Variants in SH3GL2 observed in about 807,000 individuals in gnomAD.
SH3GL2 encodes the protein SH3 domain containing GRB2 like 2, endophilin A1, also known as endophilin-A1.
Under a neutral mutation model 46.0 loss-of-function variants are expected in SH3GL2, and 24 were observed. The observed-to-expected ratio is 0.52, with a 90% confidence interval of 0.38 to 0.73. The LOEUF is 0.73. SH3GL2 is among the 30% of genes least tolerant of loss of function. The pLI is 0.00. For synonymous variants in SH3GL2, 196 were observed against 147.1 expected, an observed-to-expected ratio of 1.33 and a Z score of -2.40; for missense variants, 413 against 424.2, an observed-to-expected ratio of 0.97 and a Z score of 0.23.
chr9:17,758,392 C>G (rs1313978899), intron 2 of SH3GL2, among the ~76,000 whole-genome samples: 1 of 151,526 alleles, frequency 6.6e-6, no homozygotes, highest in Non-Finnish European at 1.5e-5. Flanking sequence ...AAAACCCCGT[C>G]TCTACCAAAA....
intron 1 of SH3GL2, among the ~76,000 whole-genome samples, chr9:17,585,733 G>A (rs897201812): frequency 1.2e-4 from 19 of 152,306 alleles, no homozygotes; most frequent in African/African-American, 3.6e-4. Flanking sequence ...TTGGTAGGTC[G>A]TGGTCAGAAG....
chr9:17,691,089 C>A (rs1026928365), intron 1 of SH3GL2, among the ~76,000 whole-genome samples: 3 of 152,204 alleles, frequency 2.0e-5, no homozygotes, highest in African/African-American at 7.2e-5. Flanking sequence ...CCTTAGCATG[C>A]TAGGGTAAAG....
At chr9:17,589,569 A>C (rs1003675526) in intron 1 of SH3GL2, 2 of 152,162 alleles carry the variant, frequency 1.3e-5, no homozygotes, top group African/African-American at 4.8e-5. Flanking sequence ...TCTGCAAAGA[A>C]GTTTCTGAAT....
chr9:17,734,836 A>G (rs1822283094), intron 1 of SH3GL2, among the ~76,000 whole-genome samples: 1 of 152,126 alleles, frequency 6.6e-6, no homozygotes, highest in African/African-American at 2.4e-5. Context: ...AGGCTGTAAA[A>G]AAATTCTTTT....
At chr9:17,599,952 T>C (rs1478831372) in intron 1 of SH3GL2, among the ~76,000 whole-genome samples, 5 of 152,100 alleles carry the variant, frequency 3.3e-5, no homozygotes, top group Admixed American at 3.3e-4. Context: ...TTTTTTTTTT[T>C]CTAATCTGAA....
chr9:17,706,585 T>G (rs1004178636), intron 1 of SH3GL2, among the ~76,000 whole-genome samples: 3 of 152,092 alleles, frequency 2.0e-5, no homozygotes, highest in African/African-American at 7.2e-5. Context: ...ATGTTGTACG[T>G]GTAATCTTTC....
intron 1 of SH3GL2, among the ~76,000 whole-genome samples, chr9:17,678,112 T>C (rs2118017610): frequency 6.6e-6 from 1 of 152,288 alleles, no homozygotes; most frequent in South Asian, 2.1e-4. Context: ...CATGTGTCTT[T>C]ATAGCAGCAT....
Position 17,721,545 on chromosome 9 carries a change from C to T in SH3GL2, c.46-25521C>T, listed in dbSNP as rs184916237. ...AATGAATGTACCATACCATATTTTACTTAACCAGTATAGTTTTTCTGGTAA... is the reference window on the plus strand; with the variant it reads ...AATGAATGTACCATACCATATTTTATTTAACCAGTATAGTTTTTCTGGTAA... On this transcript the variant is annotated intron_variant, in intron 1 of 8. Coordinates refer to ENST00000380607, the MANE Select transcript of SH3GL2 (RefSeq NM_003026.5). Among the ~76,000 whole-genome samples the T allele has an allele frequency of 1.0e-3, 153 of 152,166 alleles. 1 individual carries two copies. The highest frequency in any genetic ancestry group is 3.5e-3 in the African/African-American group (145 of 41,552).
chr9:17,636,817 T>G (rs971888350), intron 1 of SH3GL2, among the ~76,000 whole-genome samples: 1 of 152,228 alleles, frequency 6.6e-6, no homozygotes, highest in Admixed American at 6.5e-5. Flanking sequence ...TTAAGGCCAG[T>G]TCTCTACTTA....
At chr9:17,598,459 C>A (rs1474739143) in intron 1 of SH3GL2, among the ~76,000 whole-genome samples, 1 of 152,156 alleles carries the variant, frequency 6.6e-6, no homozygotes, top group African/African-American at 2.4e-5. Flanking sequence ...TGCAGTGTTT[C>A]CCTGAGGATG....
intron 1 of SH3GL2, among the ~76,000 whole-genome samples, chr9:17,613,459 T>G (rs145264004): frequency 1.3e-5 from 2 of 152,256 alleles, no homozygotes; most frequent in Admixed American, 6.5e-5. Context: ...TGGCAAGAAA[T>G]CACATATTGT....
chr9:17,623,531 G>A (rs1033490843), intron 1 of SH3GL2, among the ~76,000 whole-genome samples: 1 of 152,122 alleles, frequency 6.6e-6, no homozygotes, highest in African/African-American at 2.4e-5. Flanking sequence ...GTTAAGACTG[G>A]ACAATGTTTC....
intron 1 of SH3GL2, among the ~76,000 whole-genome samples, chr9:17,720,065 G>T (rs1444269905): frequency 6.6e-6 from 1 of 151,998 alleles, no homozygotes; most frequent in East Asian, 1.9e-4. Flanking sequence ...CAGTGACAAA[G>T]TAGTATTAAA....
intron 1 of SH3GL2, among the ~76,000 whole-genome samples, chr9:17,610,217 G>C (rs1487273542): frequency 6.6e-6 from 1 of 152,148 alleles, no homozygotes; most frequent in Non-Finnish European, 1.5e-5. Flanking sequence ...AGTGTCTGGC[G>C]TAGAGTAAGT....
intron 1 of SH3GL2, among the ~76,000 whole-genome samples, chr9:17,594,861 A>G (rs941071863): frequency 1.3e-5 from 2 of 152,064 alleles, no homozygotes; most frequent in Non-Finnish European, 2.9e-5. Context: ...GTTTCTGTTG[A>G]TCCTTATGTA....
chr9:17,685,588 GT>G (rs1277062657), intron 1 of SH3GL2, among the ~76,000 whole-genome samples: 1 of 151,944 alleles, frequency 6.6e-6, no homozygotes. Flanking sequence ...TAGGTCTAAC[GT>G]TTAAGTCTTT....
At chr9:17,586,853 A>T (rs1027372827) in intron 1 of SH3GL2, among the ~76,000 whole-genome samples, 1 of 152,238 alleles carries the variant, frequency 6.6e-6, no homozygotes, top group African/African-American at 2.4e-5. Flanking sequence ...GACACAGCCA[A>T]ACCGTATCAC....
At chr9:17,729,909 G>A (rs1822125842) in intron 1 of SH3GL2, among the ~76,000 whole-genome samples, 1 of 152,106 alleles carries the variant, frequency 6.6e-6, no homozygotes, top group Non-Finnish European at 1.5e-5. Context: ...CTCCAGCTTT[G>A]TTGTTTTTGC....
chr9:17,792,883 C>T (rs1824173328), intron 7 of SH3GL2, among the ~76,000 whole-genome samples: 2 of 152,100 alleles, frequency 1.3e-5, no homozygotes, highest in Non-Finnish European at 2.9e-5. Context: ...CCCTTACAGA[C>T]CATAATCTGT....
Sources: gnomAD v4.1 joint callset for allele counts (sites outside exome capture counted in the v4.1 genomes callset) on GRCh38, gnomAD v4.1.1 for gene constraint, MANE v1.5 for transcripts, NCBI Gene and HGNC (gene_info 2026-07-23, HGNC 2026-07-21) for gene names.